The following TAB2 variants were observed in gnomAD, a reference collection of about 807,000 sequenced individuals.
TAB2 encodes the protein TGF-beta activated kinase 1 (MAP3K7) binding protein 2.
TAB2 carries 3 observed loss-of-function variants against 65.0 expected under a neutral mutation model. The observed-to-expected ratio is 0.05, with a 90% CI of 0.02 to 0.12. The LOEUF (loss-of-function observed/expected upper bound fraction) is 0.12. Among genes scored for constraint, TAB2 ranks in the 10% least tolerant of loss-of-function variants. The pLI, the probability that TAB2 is intolerant of heterozygous loss-of-function variation, is 1.00. For missense variants in TAB2, 623 were observed against 840.3 expected, an observed-to-expected ratio of 0.74 and a Z score of 3.20; for synonymous variants, 298 against 285.1, an observed-to-expected ratio of 1.05 and a Z score of -0.46.
chr6:149,275,122 TCTG>T (rs1562396680), intron 1 of TAB2, among the ~76,000 whole-genome samples: 1 of 120,888 alleles, frequency 8.3e-6, no homozygotes. Context: ...TTTCTCTTCT[TCTG>T]TTTTTTTTTT....
chr6:149,335,436 A>G (rs532720377), intron 1 of TAB2, among the ~76,000 whole-genome samples: 14 of 152,122 alleles, frequency 9.2e-5, no homozygotes, highest in South Asian at 6.2e-4. Context: ...GTACAATCAT[A>G]GCTCACTGCA....
At chr6:149,275,232 GAGAGAAAGAAAGAA>G (rs1278198266) in intron 1 of TAB2, among the ~76,000 whole-genome samples, 99 of 123,842 alleles carry the variant, frequency 8.0e-4, no homozygotes, top group African/African-American at 3.0e-3. Flanking sequence ...GGGGGAGAGA[GAGAGAAAGAAAGAA>G]AGAAAGAAAG....
upstream of TAB2, among the ~76,000 whole-genome samples, chr6:149,313,069 C>T (rs969844202): frequency 1.2e-4 from 18 of 152,082 alleles, no homozygotes; most frequent in Non-Finnish European, 2.4e-4. Context: ...CCTAAACAGA[C>T]GTTTTTTAAC....
intron 1 of TAB2, among the ~76,000 whole-genome samples, chr6:149,227,230 G>T (rs1482394895): frequency 1.3e-5 from 2 of 152,112 alleles, no homozygotes; most frequent in Non-Finnish European, 2.9e-5. Flanking sequence ...ATTAAATTAA[G>T]CCTTTTCCTA....
chr6:149,260,431 C>T (rs557251924), intron 1 of TAB2, among the ~76,000 whole-genome samples: 48 of 152,320 alleles, frequency 3.2e-4, no homozygotes, highest in African/African-American at 1.0e-3. Context: ...AAAAATAAAG[C>T]GAAGCTGGCT....
chr6:149,357,033 T>C (rs1025548579), intron 1 of TAB2, among the ~76,000 whole-genome samples: 1 of 152,224 alleles, frequency 6.6e-6, no homozygotes, highest in Admixed American at 6.5e-5. Flanking sequence ...ATGACATTTA[T>C]AACAGTCTAG....
At chr6:149,275,272 G>GAA (rs1419323302) in intron 1 of TAB2, among the ~76,000 whole-genome samples, 2 of 149,072 alleles carry the variant, frequency 1.3e-5, no homozygotes, top group African/African-American at 5.0e-5. Flanking sequence ...AAGAAAGAAA[G>GAA]AAAGAAAGAA....
intron 1 of TAB2, among the ~76,000 whole-genome samples, chr6:149,322,747 A>G (rs1779495979): frequency 6.6e-6 from 1 of 152,194 alleles, no homozygotes; most frequent in African/African-American, 2.4e-5. Flanking sequence ...ATTCATGTAA[A>G]TACTTTTAAA....
intron 1 of TAB2, among the ~76,000 whole-genome samples, chr6:149,253,968 AAGAAAGAAAG>A (rs1562389266): frequency 8.5e-5 from 9 of 105,660 alleles, no homozygotes; most frequent in Non-Finnish European, 1.2e-4. Flanking sequence ...AAAAGAAAGA[AAGAAAGAAAG>A]AAAGAAAGAA....
intron 1 of TAB2, among the ~76,000 whole-genome samples, chr6:149,368,645 TTGTGTGTGTGTGTG>T (rs3056968): frequency 2.7e-5 from 4 of 147,598 alleles, no homozygotes; most frequent in East Asian, 2.0e-4. Flanking sequence ...ATGCGAAAAT[TTGTGTGTGTGTGTG>T]TGTGTGTGTG....
At chr6:149,226,850 C>T (rs972838139) in intron 1 of TAB2, among the ~76,000 whole-genome samples, 2 of 152,170 alleles carry the variant, frequency 1.3e-5, no homozygotes, top group African/African-American at 4.8e-5. Context: ...GCTGGGTGCA[C>T]CTAAACCCAA....
chr6:149,363,186 G>A (rs1449517282), intron 1 of TAB2, among the ~76,000 whole-genome samples: 3 of 152,148 alleles, frequency 2.0e-5, no homozygotes, highest in South Asian at 2.1e-4. Flanking sequence ...ACTGGGCAGA[G>A]GAGTATAGCA....
At chr6:149,386,261 AT>A (rs1164782061) in intron 3 of TAB2, among the ~76,000 whole-genome samples, 16 of 152,314 alleles carry the variant, frequency 1.1e-4, no homozygotes, top group African/African-American at 3.9e-4. Flanking sequence ...ATTCTTTAAA[AT>A]TTTTTAATGT....
At chr6:149,241,195 T>G (rs1777591029) in intron 1 of TAB2, among the ~76,000 whole-genome samples, 1 of 152,196 alleles carries the variant, frequency 6.6e-6, no homozygotes, top group Non-Finnish European at 1.5e-5. Context: ...CTGGGAGGAA[T>G]AAATGACTAT....
At chr6:149,262,410 G>A (rs1350769858) in intron 1 of TAB2, among the ~76,000 whole-genome samples, 2 of 152,088 alleles carry the variant, frequency 1.3e-5, no homozygotes, top group African/African-American at 2.4e-5. Flanking sequence ...GTGGGTGCCT[G>A]TAATCCCAGC....
chr6:149,306,203 C>G (rs895640692), intron 1 of TAB2, among the ~76,000 whole-genome samples: 1 of 151,802 alleles, frequency 6.6e-6, no homozygotes, highest in Admixed American at 6.6e-5. Context: ...GTCAAGAGTT[C>G]GAGACCAGCC....
intron 3 of TAB2, among the ~76,000 whole-genome samples, chr6:149,390,237 G>A (rs1483039411): frequency 2.0e-5 from 3 of 152,136 alleles, no homozygotes; most frequent in African/African-American, 7.2e-5. Flanking sequence ...TAGGTACAAT[G>A]ACTTAAGTAT....
chr6:149,260,556 T>C (rs4897101), intron 1 of TAB2, among the ~76,000 whole-genome samples: 25,710 of 152,224 alleles, frequency 0.17, 2,284 homozygotes, highest in Admixed American at 0.23. Flanking sequence ...AAACTGTTGC[T>C]ACACACATCA....
chr6:149,403,250 ATATATATATATATATATAT>A (rs1782514142), intron 6 of TAB2, among the ~76,000 whole-genome samples: 17 of 15,528 alleles, frequency 1.1e-3, no homozygotes, highest in Non-Finnish European at 1.4e-3. Context: ...AAAAAAAAAT[ATATATATATATATATATAT>A]ATATATATAT....
Sources: allele counts gnomAD v4.1 joint callset (sites outside exome capture counted in the v4.1 genomes callset), GRCh38; gene constraint gnomAD v4.1.1; transcripts MANE v1.5; gene names NCBI Gene and HGNC (gene_info 2026-07-23, HGNC 2026-07-21).